SIM1: variants seen among roughly 807,000 people sequenced by gnomAD.
SIM1 encodes single-minded homolog 1.
In SIM1, 18 loss-of-function variants were observed where a neutral mutation model predicts 78.2. The observed-to-expected ratio is 0.23, with a 90% CI of 0.16 to 0.34. SIM1 has a LOEUF of 0.34. Among genes scored for constraint, SIM1 ranks in the 10% least tolerant of loss-of-function variants. The pLI, the probability that SIM1 is intolerant of heterozygous loss-of-function variation, is 1.00. For synonymous variants in SIM1, 417 were observed against 385.2 expected (o/e 1.08, Z -0.97); for missense variants, 939 against 975.1 (o/e 0.96, Z 0.49).
intron 10 of SIM1, 93 bp from the exon 11 acceptor site, chr6:100,393,982 C>G: frequency 7.5e-7 from 1 of 1,326,340 alleles, no homozygotes; most frequent in Non-Finnish European, 1.0e-6. Context: ...ATTTACTCTA[C>G]AAGCACCCTT....
At chr6:100,455,750 AC>A (rs1183143744) in intron 2 of SIM1, among the ~76,000 whole-genome samples, 1 of 152,200 alleles carries the variant, frequency 6.6e-6, no homozygotes, top group Non-Finnish European at 1.5e-5. Flanking sequence ...GCGACTGGGG[AC>A]AGGTCTCGCG....
chr6:100,431,575 A>G (rs1771900519), intron 9 of SIM1, among the ~76,000 whole-genome samples: 1 of 152,224 alleles, frequency 6.6e-6, no homozygotes, highest in South Asian at 2.1e-4. Flanking sequence ...AAACAAAATA[A>G]GTTCTGAGTA....
At chr6:100,423,017 C>G (rs1771636273) in intron 9 of SIM1, among the ~76,000 whole-genome samples, 1 of 152,148 alleles carries the variant, frequency 6.6e-6, no homozygotes, top group Non-Finnish European at 1.5e-5. Flanking sequence ...AAATGTTCTT[C>G]TACATAAGCA....
intron 2 of SIM1, among the ~76,000 whole-genome samples, chr6:100,460,535 T>A (rs1246490926): frequency 1.3e-5 from 2 of 152,234 alleles, no homozygotes; most frequent in East Asian, 3.8e-4. Context: ...TACCTATCTT[T>A]ATTTCATCCT....
chr6:100,426,041 G>T (rs1771718658), intron 9 of SIM1, among the ~76,000 whole-genome samples: 2 of 152,302 alleles, frequency 1.3e-5, no homozygotes, highest in South Asian at 4.1e-4. Context: ...TGTTCTCTCA[G>T]ACATGATTGG....
intron 10 of SIM1, among the ~76,000 whole-genome samples, chr6:100,404,486 T>A (rs1771004170): frequency 6.6e-6 from 1 of 152,142 alleles, no homozygotes; most frequent in South Asian, 2.1e-4. Context: ...AAAAGAAAAA[T>A]CACAGATGCA....
intron 10 of SIM1, among the ~76,000 whole-genome samples, chr6:100,403,988 A>G (rs1175328474): frequency 3.9e-5 from 6 of 152,210 alleles, no homozygotes; most frequent in African/African-American, 1.4e-4. Context: ...ATACTTCAAT[A>G]TACTATACTT....
At chr6:100,442,690 A>C (rs578109491) in intron 9 of SIM1, among the ~76,000 whole-genome samples, 1 of 152,082 alleles carries the variant, frequency 6.6e-6, no homozygotes. Context: ...CTAACCAGGA[A>C]AATAAATTGT....
At chr6:100,415,311 G>T (rs771760212) in intron 10 of SIM1, among the ~76,000 whole-genome samples, 3 of 152,114 alleles carry the variant, frequency 2.0e-5, no homozygotes, top group Non-Finnish European at 4.4e-5. Context: ...AGCAGATAAA[G>T]TCTTTGAAAT....
At chr6:100,458,145 G>C (rs1772736800) in intron 2 of SIM1, among the ~76,000 whole-genome samples, 1 of 151,980 alleles carries the variant, frequency 6.6e-6, no homozygotes, top group African/African-American at 2.4e-5. Context: ...CTGGCTGCCC[G>C]AGTTGGAGCC....
chr6:100,450,184 C>T, intron 4 of SIM1, 83 bp downstream of exon 4: 3 of 1,139,250 alleles, frequency 2.6e-6, no homozygotes, highest in South Asian at 1.3e-5. Context: ...AGAAGCACAC[C>T]CAGCCCCCAA....
At chr6:100,408,237 T>C (rs761951589) in intron 10 of SIM1, among the ~76,000 whole-genome samples, 5 of 152,148 alleles carry the variant, frequency 3.3e-5, no homozygotes, top group Non-Finnish European at 7.4e-5. Context: ...GGCATCTTTG[T>C]CAAATAATAG....
At chr6:100,443,205 C>T (rs1475829179) in intron 9 of SIM1, among the ~76,000 whole-genome samples, 2 of 152,008 alleles carry the variant, frequency 1.3e-5, no homozygotes, top group Non-Finnish European at 2.9e-5. Flanking sequence ...ATTTGTTCTG[C>T]TTTTAGTAAC....
intron 9 of SIM1, among the ~76,000 whole-genome samples, chr6:100,445,853 G>A (rs1422393196): frequency 6.6e-6 from 1 of 151,928 alleles, no homozygotes; most frequent in Non-Finnish European, 1.5e-5. Flanking sequence ...TCACGGAGGG[G>A]GCTATTTTAT....
intron 10 of SIM1, among the ~76,000 whole-genome samples, chr6:100,398,878 C>T (rs375295588): frequency 1.8e-4 from 27 of 152,116 alleles, no homozygotes; most frequent in African/African-American, 6.5e-4. Flanking sequence ...ATTTTACATT[C>T]CCATTAATAG....
chr6:100,393,470 C>G lies in SIM1; in HGVS notation c.1570+17G>C. 1 of 1,506,094 alleles carries G rather than the reference C, an allele frequency of 6.6e-7. No homozygotes were observed. Among genetic ancestry groups the G allele is most frequent in the Non-Finnish European group, 8.9e-7 (1 of 1,126,154 alleles). The allele number at this position is 1,506,094 out of a possible 1,614,324, so 93.3% of individuals were successfully genotyped here. A position where few individuals can be genotyped will look rare whatever the true frequency, so the allele number is the denominator to read the frequency against. ...GCCTAATGCTTGGAGTTCGGGAACCCTTTCACCTGCTCTTACCATGGATCC... is the reference window on the plus strand; with the variant it reads ...GCCTAATGCTTGGAGTTCGGGAACCGTTTCACCTGCTCTTACCATGGATCC... On this transcript the variant is annotated intron_variant, in intron 11 of 11. Coordinates refer to ENST00000369208, the MANE Select transcript of SIM1 (RefSeq NM_005068.3).
intron 2 of SIM1, among the ~76,000 whole-genome samples, chr6:100,461,088 G>C (rs1376723060): frequency 6.6e-6 from 1 of 152,006 alleles, no homozygotes; most frequent in Non-Finnish European, 1.5e-5. Flanking sequence ...CTCGGGGGAA[G>C]GTGAGGGGGC....
intron 11 of SIM1, 81 bp from the exon 12 acceptor site, chr6:100,391,172 A>C: frequency 3.6e-6 from 5 of 1,407,576 alleles, no homozygotes; most frequent in Non-Finnish European, 4.7e-6. Context: ...CTATTAAAAT[A>C]AACTTTATAT....
chr6:100,427,599 A>G (rs2114513421), intron 9 of SIM1, among the ~76,000 whole-genome samples: 1 of 152,368 alleles, frequency 6.6e-6, no homozygotes, highest in East Asian at 1.9e-4. Context: ...AAATTGTGAA[A>G]TGTTGATATG....
Sources: gnomAD v4.1 joint callset for allele counts (sites outside exome capture counted in the v4.1 genomes callset) on GRCh38, gnomAD v4.1.1 for gene constraint, MANE v1.5 for transcripts, NCBI Gene and HGNC (gene_info 2026-07-23, HGNC 2026-07-21) for gene names.